ZNF563: variants seen among roughly 807,000 people sequenced by gnomAD.
ZNF563 encodes the protein zinc finger protein 563.
Under a neutral mutation model 48.5 loss-of-function variants are expected in ZNF563, and 39 were observed. The observed-to-expected ratio is 0.80, with a 90% CI of 0.62 to 1.05. The LOEUF (loss-of-function observed/expected upper bound fraction) is 1.05. ZNF563 is among the 50% of genes least tolerant of loss of function. The pLI, the probability that ZNF563 is intolerant of heterozygous loss-of-function variation, is 0.00. For synonymous variants in ZNF563, 168 were observed against 187.9 expected (o/e 0.89, Z 0.87); for missense variants, 538 against 597.0 (o/e 0.90, Z 1.03).
chr19:12,337,419 G>T (rs1969032618), upstream of ZNF563, among the ~76,000 whole-genome samples: 1 of 152,068 alleles, frequency 6.6e-6, no homozygotes, highest in Admixed American at 6.5e-5. Context: ...GGCCAGGCTG[G>T]TCTAAACTCT....
intron 1 of ZNF563, among the ~76,000 whole-genome samples, chr19:12,328,219 G>A (rs1432530486): frequency 6.6e-6 from 1 of 152,218 alleles, no homozygotes; most frequent in Non-Finnish European, 1.5e-5. Flanking sequence ...AGGCATGGTG[G>A]CTCACACCTG....
Position 12,318,246 on chromosome 19 carries a change from C to T in ZNF563, c.*348G>A. ...CAAATTCCTGAGGTCAAGCAATTTG[C>T]CCACCCTAAGTGCTGGGATTACAGG... On this transcript the variant is annotated 3_prime_UTR_variant, in exon 4 of 4. Coordinates refer to ENST00000293725, the MANE Select transcript of ZNF563 (RefSeq NM_145276.3). The T allele has an allele frequency of 7.9e-6, 2 of 254,008 alleles. No homozygotes were observed. Among genetic ancestry groups the T allele is most frequent in the South Asian group, 5.6e-5 (1 of 17,894 alleles). 15.7% of individuals were successfully genotyped at this position (254,008 alleles called of 1,614,324 possible). A position where few individuals can be genotyped will look rare whatever the true frequency, so the allele number is the denominator to read the frequency against.
At chr19:12,331,413 AC>A (rs1252325617) in intron 1 of ZNF563, among the ~76,000 whole-genome samples, 3 of 151,126 alleles carry the variant, frequency 2.0e-5, no homozygotes, top group Non-Finnish European at 4.4e-5. Flanking sequence ...CTCTTACACC[AC>A]CTCACTGGGG....
rs749199846 is a variant in ZNF563 at position 12,321,371 on chromosome 19, A to G, written c.131-39T>C. ...CCAGAAAATCACTATACATTATTAG[A>G]AAATTATATAAAACAGTAAGATTTT... On this transcript the variant is annotated intron_variant, in intron 2 of 3. Transcript: ENST00000293725. 5.3e-6 allele frequency: 7 copies of G among 1,319,954 alleles called. No homozygotes were observed. In the South Asian group the frequency reaches 1.0e-4, roughly 19 times the overall value. 81.8% of individuals were successfully genotyped at this position (1,319,954 alleles called of 1,614,324 possible).
chr19:12,344,852 G>T, the ZNF563 span, among the ~76,000 whole-genome samples: 4 of 152,134 alleles, frequency 2.6e-5, no homozygotes, highest in Admixed American at 2.6e-4. Flanking sequence ...AAATTTTACA[G>T]CTTATAAAAC....
Position 12,319,601 on chromosome 19 carries a change from T to C in ZNF563, c.424A>G (p.Thr142Ala), listed in dbSNP as rs1568472864. Residue 142 changes from threonine to alanine, a missense_variant, in exon 4 of 4, where the codon ACA becomes GCA. By Grantham distance (58) the Thr-to-Ala change is moderately conservative (BLOSUM62 0). Transcript: ENST00000293725. ...AAGGCTTTCCCACGTTGTTTATGTG[T>C]ATGTGGCTTCTCTCCATATTCCTGA... ...EYQEYGEKPHTHKQRGKAFSY... is the reference protein window; with the variant it reads ...EYQEYGEKPHAHKQRGKAFSY... The C allele has an allele frequency of 6.2e-7, 1 of 1,614,124 alleles. No homozygotes were observed. The highest frequency in any genetic ancestry group is 8.5e-7 in the Non-Finnish European group (1 of 1,180,050).
Position 12,319,095 on chromosome 19 carries a change from C to G in ZNF563, c.930G>C (p.Glu310Asp), listed in dbSNP as rs1478113903. 9 of 1,613,874 alleles carry G rather than the reference C, an allele frequency of 5.6e-6. No homozygotes were observed. The Admixed American group carries it at 1.5e-4, about 27-fold the overall frequency. ...GAAATGTTTTCCCGCATTGCTTACA[C>G]TCATAGGGTTTCTCTGCACTGTGAG... ...ETTHSAEKPY[E>D]CKQCGKTFHH... Residue 310 changes from glutamate (E) to aspartate (D), a missense_variant, in exon 4 of 4, where the codon GAG becomes GAC. Glu to Asp is a conservative substitution (Grantham distance 45, BLOSUM62 2). Transcript: ENST00000293725.
In ZNF563 at chr19:12,317,604, C is replaced by T. The variant is rs1216086095; in HGVS notation, c.*990G>A. 1 of 151,514 alleles carries T rather than the reference C, an allele frequency of 6.6e-6. No homozygotes were observed. Among genetic ancestry groups the T allele is most frequent in the African/African-American group, 2.4e-5 (1 of 41,080 alleles). The allele number at this position is 151,514 out of a possible 1,614,324, so 9.4% of individuals were successfully genotyped here. Reference sequence around the variant, plus strand: ...GATTCAAGTGATTATCCTGCCTCAGCCTCCTGAGTAGCTGGGATTACAGGC... The same window carrying T: ...GATTCAAGTGATTATCCTGCCTCAGTCTCCTGAGTAGCTGGGATTACAGGC... On this transcript the variant is annotated 3_prime_UTR_variant, in exon 4 of 4. Transcript: ENST00000293725.
chr19:12,346,835 C>G, the ZNF563 span: 1 of 152,148 alleles, frequency 6.6e-6, no homozygotes, highest in African/African-American at 2.4e-5. Flanking sequence ...TGAAATAAGC[C>G]AGACATGGAA....
upstream of ZNF563, among the ~76,000 whole-genome samples, chr19:12,335,651 A>C (rs1290210694): frequency 6.6e-6 from 1 of 152,246 alleles, no homozygotes; most frequent in East Asian, 1.9e-4. Flanking sequence ...GCTGTAGGTC[A>C]TAAGACCCTC....
At chr19:12,332,028 G>GAGATAGATAGGTAGCA (rs1345998320) in intron 1 of ZNF563, among the ~76,000 whole-genome samples, 7 of 152,008 alleles carry the variant, frequency 4.6e-5, no homozygotes, top group Non-Finnish European at 7.4e-5. Context: ...TTCTAAAAAA[G>GAGATAGATAGGTAGCA]AATCATATAT....
chr19:12,335,647 G>C (rs1969011837), upstream of ZNF563, among the ~76,000 whole-genome samples: 1 of 152,200 alleles, frequency 6.6e-6, no homozygotes, highest in East Asian at 1.9e-4. Context: ...GCTTGCTGTA[G>C]GTCATAAGAC....
the ZNF563 span, among the ~76,000 whole-genome samples, chr19:12,344,889 A>T: frequency 6.6e-6 from 1 of 152,210 alleles, no homozygotes; most frequent in Non-Finnish European, 1.5e-5. Context: ...CAGAATATAA[A>T]ATCAATACAC....
At chr19:12,327,097 T>C (rs1405243108) in intron 1 of ZNF563, among the ~76,000 whole-genome samples, 1 of 152,042 alleles carries the variant, frequency 6.6e-6, no homozygotes, top group East Asian at 1.9e-4. Context: ...CTAAAAAAAT[T>C]AAGAACCAAG....
upstream of ZNF563, among the ~76,000 whole-genome samples, chr19:12,336,726 C>T (rs1370997738): frequency 1.3e-5 from 2 of 152,186 alleles, no homozygotes; most frequent in African/African-American, 4.8e-5. Flanking sequence ...CTCCTCTCTC[C>T]TTGGCTTCAG....
upstream of ZNF563, among the ~76,000 whole-genome samples, chr19:12,338,280 C>T (rs1356735718): frequency 6.6e-6 from 1 of 152,134 alleles, no homozygotes; most frequent in Non-Finnish European, 1.5e-5. Flanking sequence ...CAGAGTCTTG[C>T]TCTGACGCCC....
the ZNF563 span, among the ~76,000 whole-genome samples, chr19:12,339,726 AAG>A: frequency 2.0e-5 from 3 of 151,900 alleles, no homozygotes; most frequent in Non-Finnish European, 2.9e-5. Context: ...TCAGAAGGAG[AAG>A]AGAGAGAGAG....
chr19:12,322,317 A>T (rs1444487863), intron 2 of ZNF563, among the ~76,000 whole-genome samples: 1 of 152,088 alleles, frequency 6.6e-6, no homozygotes, highest in Admixed American at 6.5e-5. Context: ...GCCTCCCAAC[A>T]TGCTGGGATT....
upstream of ZNF563, among the ~76,000 whole-genome samples, chr19:12,338,017 A>C (rs1969036827): frequency 6.6e-6 from 1 of 152,186 alleles, no homozygotes; most frequent in Non-Finnish European, 1.5e-5. Flanking sequence ...CAGGAGGATC[A>C]CTTGAGTCTA....
Sources: allele counts gnomAD v4.1 joint callset (sites outside exome capture counted in the v4.1 genomes callset), GRCh38; gene constraint gnomAD v4.1.1; transcripts MANE v1.5; gene names NCBI Gene and HGNC (gene_info 2026-07-23, HGNC 2026-07-21).